FAM220A: variants seen among roughly 807,000 people sequenced by gnomAD.
The protein encoded by FAM220A is family with sequence similarity 220 member A.
For missense variants in FAM220A, 392 were observed against 321.6 expected, an observed-to-expected ratio of 1.22 and a Z score of -1.68; for synonymous variants, 141 against 130.7, an observed-to-expected ratio of 1.08 and a Z score of -0.54.
intron 1 of FAM220A, among the ~76,000 whole-genome samples, chr7:6,339,065 G>A (rs761580723): frequency 6.6e-5 from 10 of 152,188 alleles, no homozygotes; most frequent in Admixed American, 3.9e-4. Flanking sequence ...ACAGCCTAGA[G>A]GAGGAGAAAC....
chr7:6,331,068 G>C lies in FAM220A; in HGVS notation c.87C>G (p.Ser29Arg). ...GGGDSDKLSC[S>R]LKKRMPEGPW... ...GGCCCTCCGGCATTCTTTTCTTAAG[G>C]CTGCATGATAGTTTGTCCGAGTCAC... The change falls in exon 2 of 2, where the codon AGC (serine) becomes AGG (arginine). Residue 29 changes from serine (S) to arginine (R), a missense_variant. Ser to Arg is a moderately radical substitution (Grantham distance 110, BLOSUM62 -1). Coordinates refer to ENST00000313324, the MANE Select transcript of FAM220A (RefSeq NM_001037163.2). The C allele has an allele frequency of 1.2e-6, 2 of 1,613,678 alleles. No homozygotes were observed. The highest frequency in any genetic ancestry group is 1.7e-6 in the Non-Finnish European group (2 of 1,180,034).
Position 6,329,753 on chromosome 7 carries a change from A to C in FAM220A, c.*622T>G, listed in dbSNP as rs1400443883. 6.0e-6 allele frequency: 1 copy of C among 166,040 alleles called. No individual in the cohort carries two copies. The highest frequency in any genetic ancestry group is 6.6e-5 in the Admixed American group (1 of 15,238). The allele number at this position is 166,040 out of a possible 1,614,324, so 10.3% of individuals were successfully genotyped here. ...TTTTTTCTCGAGCTCATTTTTGTTT[A>C]AGGTAACACTGCTAGGGTTCTGAGT... is the stretch of plus-strand genomic sequence containing the variant. On this transcript the variant is annotated 3_prime_UTR_variant, in exon 2 of 2. Coordinates refer to ENST00000313324, the MANE Select transcript of FAM220A (RefSeq NM_001037163.2).
At chr7:6,347,422 A>C (rs1781974163) in intron 1 of FAM220A, among the ~76,000 whole-genome samples, 1 of 152,082 alleles carries the variant, frequency 6.6e-6, no homozygotes, top group Admixed American at 6.6e-5. Context: ...AGGCTGAGTC[A>C]GGAGAATCGC....
chr7:6,345,322 C>T (rs1781933499), intron 1 of FAM220A, among the ~76,000 whole-genome samples: 1 of 151,724 alleles, frequency 6.6e-6, no homozygotes, highest in Non-Finnish European at 1.5e-5. Context: ...GCTGTGTTGC[C>T]CAGGCTGGTC....
intron 1 of FAM220A, among the ~76,000 whole-genome samples, chr7:6,339,838 C>G (rs929290346): frequency 2.6e-5 from 4 of 151,892 alleles, no homozygotes; most frequent in African/African-American, 9.7e-5. Flanking sequence ...GGTGCGATCA[C>G]AAGGAGAGGA....
chr7:6,331,046 C>A lies in FAM220A; in HGVS notation c.109G>T (p.Gly37Cys). 1 of 1,613,924 alleles carries A rather than the reference C, an allele frequency of 6.2e-7. No homozygotes were observed. The highest frequency in any genetic ancestry group is 8.5e-7 in the Non-Finnish European group (1 of 1,180,038). ...SCSLKKRMPE[G>C]PWPADAPSWM... ...GAGGGTGCATCTGCAGGCCAAGGGCCCTCCGGCATTCTTTTCTTAAGGCTG... is the reference window on the plus strand; with the variant it reads ...GAGGGTGCATCTGCAGGCCAAGGGCACTCCGGCATTCTTTTCTTAAGGCTG... Residue 37 changes from glycine to cysteine, a missense_variant, in exon 2 of 2, where the codon GGC (glycine) becomes TGC (cysteine). Transcript: ENST00000313324.
At chr7:6,333,944 T>A (rs1159097082) in intron 1 of FAM220A, among the ~76,000 whole-genome samples, 1 of 150,672 alleles carries the variant, frequency 6.6e-6, no homozygotes, top group Admixed American at 6.7e-5. Flanking sequence ...CCTCCCGGGT[T>A]CACGCCATTC....
Position 6,344,685 on chromosome 7 carries a change from C to G in FAM220A, c.-82+3888G>C, listed in dbSNP as rs560271296. Reference sequence around the variant, plus strand: ...CCTCCCACCTTGGACTCCCAAAGTGCTGGGATTACAGGGTTGAGTCACGGC... The same window carrying G: ...CCTCCCACCTTGGACTCCCAAAGTGGTGGGATTACAGGGTTGAGTCACGGC... On this transcript the variant is annotated intron_variant, in intron 1 of 1. Coordinates refer to ENST00000313324, the MANE Select transcript of FAM220A (RefSeq NM_001037163.2). 2.0e-5 allele frequency among the ~76,000 whole-genome samples: 3 copies of G among 152,198 alleles called. No individual in the cohort carries two copies. In the South Asian group the frequency reaches 6.2e-4, roughly 32 times the overall value.
intron 1 of FAM220A, among the ~76,000 whole-genome samples, chr7:6,348,343 G>C (rs1030507895): frequency 6.6e-6 from 1 of 152,052 alleles, no homozygotes; most frequent in Non-Finnish European, 1.5e-5. Flanking sequence ...CCCGAGCTGC[G>C]GGACCTTCCC....
chr7:6,330,703 C>G lies in FAM220A; in HGVS notation c.452G>C (p.Arg151Pro). The G allele has an allele frequency of 6.2e-7, 1 of 1,614,068 alleles. No homozygotes were observed. Among genetic ancestry groups the G allele is most frequent in the Non-Finnish European group, 8.5e-7 (1 of 1,180,018 alleles). ...TTGATGGCGTGGCAGTCGTGACACC[C>G]GAGGCTCTCCTTTGGGGCACTGTCC... is the stretch of plus-strand genomic sequence containing the variant. Reference protein sequence around the residue: ...HRGQCPKGEPRVSRLPRHQKV... With the variant: ...HRGQCPKGEPPVSRLPRHQKV... The change falls in exon 2 of 2, where the codon CGG (arginine) becomes CCG (proline). Residue 151 changes from arginine (R) to proline (P), a missense_variant. Physicochemically the swap from Arg to Pro is moderately radical, Grantham distance 103. Transcript: ENST00000313324.
At chr7:6,342,754 G>C (rs1414219301) in intron 1 of FAM220A, among the ~76,000 whole-genome samples, 1 of 151,972 alleles carries the variant, frequency 6.6e-6, no homozygotes, top group Non-Finnish European at 1.5e-5. Context: ...AGACTAAGCA[G>C]GGCCAGGTAT....
At chr7:6,347,233 G>T (rs1476796539) in intron 1 of FAM220A, among the ~76,000 whole-genome samples, 4 of 152,216 alleles carry the variant, frequency 2.6e-5, no homozygotes, top group Admixed American at 2.6e-4. Context: ...TCAGTCTCTT[G>T]GCTGGGCGCT....
chr7:6,346,271 T>C (rs2115151757), intron 1 of FAM220A, among the ~76,000 whole-genome samples: 1 of 152,288 alleles, frequency 6.6e-6, no homozygotes, highest in South Asian at 2.1e-4. Flanking sequence ...GTGGAGGTTT[T>C]GACCCCTCTA....
chr7:6,347,299 G>T (rs1404823364), intron 1 of FAM220A, among the ~76,000 whole-genome samples: 1 of 152,208 alleles, frequency 6.6e-6, no homozygotes, highest in South Asian at 2.1e-4. Flanking sequence ...CAGATCACTT[G>T]AAGTCAGGAT....
intron 1 of FAM220A, among the ~76,000 whole-genome samples, chr7:6,342,500 T>C (rs977232709): frequency 7.2e-5 from 11 of 152,010 alleles, no homozygotes; most frequent in African/African-American, 2.2e-4. Context: ...GATCACACCA[T>C]TGCACTGCAG....
At chr7:6,333,966 C>A (rs968073026) in intron 1 of FAM220A, among the ~76,000 whole-genome samples, 3 of 151,036 alleles carry the variant, frequency 2.0e-5, no homozygotes, top group Non-Finnish European at 2.9e-5. Flanking sequence ...CCTGCCTCAG[C>A]CTCCCAAGTA....
Position 6,331,111 on chromosome 7 carries a change from A to G in FAM220A, c.44T>C (p.Val15Ala). ...CGAGTCACCTCCTCCGGCCTGCTGC[A>G]CTTGTGCCAGGCAGGTGCCGAGGGG... ...RGPLGTCLAQ[V>A]QQAGGGDSDK... The change falls in exon 2 of 2, where the codon GTG (valine) becomes GCG (alanine). Residue 15 changes from valine to alanine, a missense_variant. Coordinates refer to ENST00000313324, the MANE Select transcript of FAM220A (RefSeq NM_001037163.2). 1 of 1,613,312 alleles carries G rather than the reference A, an allele frequency of 6.2e-7. No individual in the cohort carries two copies. Among genetic ancestry groups the G allele is most frequent in the Non-Finnish European group, 8.5e-7 (1 of 1,180,022 alleles).
chr7:6,334,068 T>C (rs547693116), intron 1 of FAM220A, among the ~76,000 whole-genome samples: 2 of 151,002 alleles, frequency 1.3e-5, no homozygotes, highest in Non-Finnish European at 3.0e-5. Flanking sequence ...GGATGGAATC[T>C]ATCTCCTGAC....
intron 1 of FAM220A, among the ~76,000 whole-genome samples, chr7:6,339,809 G>T (rs527676159): frequency 6.6e-6 from 1 of 151,586 alleles, no homozygotes; most frequent in Non-Finnish European, 1.5e-5. Context: ...TCCCCCTCCC[G>T]GTCCCCTGGA....
Sources: gnomAD v4.1 joint callset for allele counts (sites outside exome capture counted in the v4.1 genomes callset) on GRCh38, gnomAD v4.1.1 for gene constraint, MANE v1.5 for transcripts, NCBI Gene and HGNC (gene_info 2026-07-23, HGNC 2026-07-21) for gene names.